Variants in C8A observed in about 807,000 individuals in gnomAD.
C8A encodes the protein complement C8 alpha chain, also known as complement component C8 alpha chain.
Under a neutral mutation model 65.3 loss-of-function variants are expected in C8A, and 67 were observed. The observed-to-expected ratio is 1.03, with a 90% confidence interval of 0.84 to 1.26. The LOEUF is 1.26. Ranked by LOEUF, C8A falls within the 50% of genes most tolerant of loss-of-function variation. The pLI is 0.00. For missense variants in C8A, 781 were observed against 723.9 expected (o/e 1.08, Z -0.90); for synonymous variants, 290 against 259.4 (o/e 1.12, Z -1.13).
chr1:56,865,608 A>G (rs1644077966), intron 1 of C8A, among the ~76,000 whole-genome samples: 1 of 152,278 alleles, frequency 6.6e-6, no homozygotes, highest in Non-Finnish European at 1.5e-5. Flanking sequence ...TTCCTGGAAC[A>G]TCATTTTTTC....
intron 6 of C8A, 70 bp downstream of exon 6, chr1:56,883,751 C>T: frequency 7.7e-7 from 1 of 1,303,542 alleles, no homozygotes; most frequent in South Asian, 1.2e-5. Context: ...ACCTTAATTG[C>T]ATTAAAAAGT....
chr1:56,874,660 G>T (rs61766970), intron 2 of C8A, among the ~76,000 whole-genome samples: 11,476 of 152,260 alleles, frequency 0.075, 616 homozygotes, highest in Non-Finnish European at 0.12. Flanking sequence ...ACTTCTTCAA[G>T]AAGAGGGAAC....
intron 6 of C8A, among the ~76,000 whole-genome samples, chr1:56,885,253 C>T (rs1271777555): frequency 7.2e-6 from 1 of 139,608 alleles, no homozygotes; most frequent in Non-Finnish European, 1.5e-5. Flanking sequence ...TATTTATGTT[C>T]ATATACGTGT....
chr1:56,917,663 C>T lies in C8A; in HGVS notation c.1702C>T (p.Gln568Ter). 6.2e-7 allele frequency: 1 copy of T among 1,614,192 alleles called. No individual in the cohort carries two copies. Among genetic ancestry groups the T allele is most frequent in the Non-Finnish European group, 8.5e-7 (1 of 1,180,032 alleles). The change falls in exon 11 of 11, where the codon CAG becomes TAG. Residue 568 changes from glutamine to a stop codon, truncating the protein, a stop_gained. Coordinates refer to ENST00000361249, the MANE Select transcript of C8A (RefSeq NM_000562.3). LOFTEE classifies it high-confidence loss of function. ...AAGAGAGTGTGACAATCCAGCACCT[C>T]AGAATGGAGGGGCCTCGTGTCCAGG... is the stretch of plus-strand genomic sequence containing the variant. ...RRRECDNPAP[Q>*]NGGASCPGRK...
intron 5 of C8A, among the ~76,000 whole-genome samples, chr1:56,882,581 T>C (rs1179293665): frequency 7.9e-5 from 12 of 152,098 alleles, no homozygotes; most frequent in Non-Finnish European, 1.5e-4. Context: ...CCTAGGATTC[T>C]GAACAAAATA....
chr1:56,887,737 T>C (rs939656352), intron 7 of C8A, among the ~76,000 whole-genome samples: 2 of 152,176 alleles, frequency 1.3e-5, no homozygotes, highest in African/African-American at 4.8e-5. Context: ...CCAAATCAAA[T>C]GTCCCTCAAT....
chr1:56,914,322 A>C (rs540850463), intron 10 of C8A, among the ~76,000 whole-genome samples: 2 of 152,244 alleles, frequency 1.3e-5, no homozygotes, highest in East Asian at 3.9e-4. Context: ...ACCACTTTTC[A>C]GGGAGTTGGA....
chr1:56,876,445 C>T lies in C8A; in HGVS notation c.464+236C>T, dbSNP rs114232893. Among the ~76,000 whole-genome samples, 383 of 151,866 alleles carry T rather than the reference C, an allele frequency of 2.5e-3. 3 individuals are homozygous for T. Among genetic ancestry groups the T allele is most frequent in the African/African-American group, 8.9e-3 (368 of 41,406 alleles). On this transcript the variant is annotated intron_variant, in intron 4 of 10. Transcript: ENST00000361249. ...CCTCTCTTTTAGTACACCTACCCTA[C>T]TGCTCATCTCCCTTCACCCCAGTGC...
At position 56,876,220 on chromosome 1, in the gene C8A, G is replaced by A. The variant is rs149171325; in HGVS notation, c.464+11G>A. 6.2e-7 allele frequency: 1 copy of A among 1,613,662 alleles called. No homozygotes were observed. The highest frequency in any genetic ancestry group is 8.5e-7 in the Non-Finnish European group (1 of 1,179,724). On this transcript the variant is annotated intron_variant, in intron 4 of 10. Coordinates refer to ENST00000361249, the MANE Select transcript of C8A (RefSeq NM_000562.3). ...GAAGGCAGCCTTGGGGTGAGGCCCT[G>A]CCTACTAGCTATTTAGGAGCAGGGA... is the stretch of plus-strand genomic sequence containing the variant.
intron 10 of C8A, among the ~76,000 whole-genome samples, chr1:56,913,331 C>T (rs533106626): frequency 9.2e-5 from 14 of 152,322 alleles, no homozygotes; most frequent in Non-Finnish European, 5.9e-5. Flanking sequence ...ATTAAACTCA[C>T]TAAAAGAGAT....
At chr1:56,861,405 T>C (rs1644032258) in intron 1 of C8A, among the ~76,000 whole-genome samples, 1 of 152,154 alleles carries the variant, frequency 6.6e-6, no homozygotes, top group East Asian at 1.9e-4. Flanking sequence ...AACCTTGCTT[T>C]ACAACAACTC....
rs1374151741 is a variant in C8A, at chr1:56,905,931, G to T, written c.1097-736G>T. Among the ~76,000 whole-genome samples, 4 of 152,192 alleles carry T rather than the reference G, an allele frequency of 2.6e-5. No individual in the cohort carries two copies. The East Asian group carries it at 7.7e-4, about 29-fold the overall frequency. On this transcript the variant is annotated intron_variant, in intron 7 of 10. Coordinates refer to ENST00000361249, the MANE Select transcript of C8A (RefSeq NM_000562.3). ...TAGCAATGTGGCTTTACTGCTTTGA[G>T]AATTATTTTCCTCATCTACAAAATG...
Position 56,905,325 on chromosome 1 carries a change from A to C in C8A, c.1097-1342A>C, listed in dbSNP as rs911911595. Among the ~76,000 whole-genome samples, 3 of 152,184 alleles carry C rather than the reference A, an allele frequency of 2.0e-5. No individual in the cohort carries two copies. The South Asian group carries it at 6.2e-4, about 32-fold the overall frequency. On this transcript the variant is annotated intron_variant, in intron 7 of 10. Coordinates refer to ENST00000361249, the MANE Select transcript of C8A (RefSeq NM_000562.3). Reference sequence around the variant, plus strand: ...TGGGAAATGGAGGCCCAGTGGGATCATGGGCCTTTCCTAGGATCATACAGG... The same window carrying C: ...TGGGAAATGGAGGCCCAGTGGGATCCTGGGCCTTTCCTAGGATCATACAGG...
chr1:56,878,625 T>G (rs1437351787), intron 4 of C8A, among the ~76,000 whole-genome samples: 1 of 152,176 alleles, frequency 6.6e-6, no homozygotes, highest in African/African-American at 2.4e-5. Context: ...GCTCTTATTT[T>G]TTTTCTAATT....
chr1:56,912,327 T>G, intron 9 of C8A, 76 bp from the exon 10 acceptor site: 2 of 1,400,244 alleles, frequency 1.4e-6, no homozygotes, highest in South Asian at 1.2e-5. Flanking sequence ...TTCCAGAAGC[T>G]TGGTGGCCGG....
At chr1:56,870,153 G>A (rs1318013372) in intron 2 of C8A, among the ~76,000 whole-genome samples, 2 of 152,036 alleles carry the variant, frequency 1.3e-5, no homozygotes, top group Non-Finnish European at 2.9e-5. Flanking sequence ...CACAAACTTG[G>A]TGGCTTAAAA....
At position 56,867,700 on chromosome 1, in the gene C8A, A is replaced by G. The variant is rs1644104569; in HGVS notation, c.169A>G (p.Lys57Glu). 1.2e-6 allele frequency: 2 copies of G among 1,612,580 alleles called. No individual in the cohort carries two copies. Among genetic ancestry groups the G allele is most frequent in the Admixed American group, 3.3e-5 (2 of 59,958 alleles). Residue 57 changes from lysine to glutamate, a missense_variant and splice_region_variant, in exon 2 of 11, where the codon AAG (lysine) becomes GAG (glutamate). Transcript: ENST00000361249. Reference protein sequence around the residue: ...WTDCFPCQDKKYRHRSLLQPN... With the variant: ...WTDCFPCQDKEYRHRSLLQPN... ...AGATTGCTTTCCGTGCCAGGACAAA[A>G]AGGTGAGACACTTACAACCGGTTTG...
intron 10 of C8A, among the ~76,000 whole-genome samples, chr1:56,915,482 A>G (rs1243796104): frequency 3.9e-5 from 6 of 152,196 alleles, no homozygotes; most frequent in African/African-American, 9.6e-5. Context: ...TCAAGGGCCC[A>G]GGGCTTTCCT....
intron 1 of C8A, among the ~76,000 whole-genome samples, chr1:56,858,789 TC>T (rs1644001718): frequency 6.6e-6 from 1 of 152,232 alleles, no homozygotes; most frequent in Non-Finnish European, 1.5e-5. Context: ...GGGTAACTAA[TC>T]TTTAGCAATA....
Sources: allele counts gnomAD v4.1 joint callset (sites outside exome capture counted in the v4.1 genomes callset), GRCh38; gene constraint gnomAD v4.1.1; transcripts MANE v1.5; gene names NCBI Gene and HGNC (gene_info 2026-07-23, HGNC 2026-07-21).